ARHGEF4: variants seen among roughly 807,000 people sequenced by gnomAD.
ARHGEF4 encodes the protein APC-stimulated guanine nucleotide exchange factor 1.
Under a neutral mutation model 162.0 loss-of-function variants are expected in ARHGEF4, and 119 were observed. The observed-to-expected ratio is 0.73, with a 90% CI of 0.63 to 0.86. The LOEUF (loss-of-function observed/expected upper bound fraction) is 0.86, where lower values mean the gene tolerates loss of function less well. ARHGEF4 is among the 40% of genes least tolerant of loss of function. The probability of loss-of-function intolerance (pLI) is 0.00; values close to 1 mark genes in which losing one functional copy is unlikely to be tolerated. For synonymous variants in ARHGEF4, 1,014 were observed against 979.9 expected, an observed-to-expected ratio of 1.03 and a Z score of -0.65; for missense variants, 2,488 against 2,456.0, an observed-to-expected ratio of 1.01 and a Z score of -0.28.
chr2:131,004,214 G>A (rs1687963504), intron 4 of ARHGEF4, among the ~76,000 whole-genome samples: 1 of 152,186 alleles, frequency 6.6e-6, no homozygotes, highest in African/African-American at 2.4e-5. Context: ...CGCTCGGGCT[G>A]GAGTGCAATG....
At chr2:130,960,973 T>G (rs1684591904) in intron 4 of ARHGEF4, among the ~76,000 whole-genome samples, 1 of 152,190 alleles carries the variant, frequency 6.6e-6, no homozygotes, top group East Asian at 1.9e-4. Flanking sequence ...AGCATGGGGC[T>G]CGGCTGTCTG....
At chr2:130,949,838 A>G (rs1263513545) in intron 4 of ARHGEF4, among the ~76,000 whole-genome samples, 1 of 152,136 alleles carries the variant, frequency 6.6e-6, no homozygotes, top group Non-Finnish European at 1.5e-5. Context: ...TAGTAGAGAC[A>G]GGGTTTTGCC....
chr2:130,979,931 T>C (rs894314531), intron 4 of ARHGEF4, among the ~76,000 whole-genome samples: 3 of 152,132 alleles, frequency 2.0e-5, no homozygotes, highest in African/African-American at 7.2e-5. Flanking sequence ...TAAGACCTAA[T>C]ACTTAACTAT....
At chr2:131,033,148 CCT>C in intron 5 of ARHGEF4, among the ~76,000 whole-genome samples, 1 of 152,150 alleles carries the variant, frequency 6.6e-6, no homozygotes, top group East Asian at 1.9e-4. Context: ...GCCACCACAC[CCT>C]GTCTGCCTTC....
rs138070353 is a variant in ARHGEF4 at position 131,009,556 on chromosome 2, T to A, written c.3986-18389T>A. Among the ~76,000 whole-genome samples the A allele has an allele frequency of 4.2e-4, 64 of 152,322 alleles. 1 individual carries two copies. The East Asian group carries it at 0.012, about 29-fold the overall frequency. On this transcript the variant is annotated intron_variant, in intron 4 of 13. Coordinates refer to ENST00000409359, the MANE Select transcript of ARHGEF4 (RefSeq NM_001367493.1). ...CATTATTTTCCAACATTTTTTTCTC[T>A]TTTTCAAATTGGATCATTTCTATTC...
chr2:130,887,611 T>C (rs2104978309), intron 1 of ARHGEF4, among the ~76,000 whole-genome samples: 1 of 152,218 alleles, frequency 6.6e-6, no homozygotes, highest in African/African-American at 2.4e-5. Flanking sequence ...ATCAATCTTT[T>C]GAGGTTTGTA....
intron 3 of ARHGEF4, among the ~76,000 whole-genome samples, chr2:130,942,134 G>GT (rs774486305): frequency 2.0e-4 from 28 of 140,796 alleles, no homozygotes; most frequent in South Asian, 4.6e-4. Context: ...TGGTTTGGTA[G>GT]TTTTTTTTTT....
chr2:130,898,593 G>T (rs1680302101), intron 1 of ARHGEF4, among the ~76,000 whole-genome samples: 1 of 152,160 alleles, frequency 6.6e-6, no homozygotes, highest in African/African-American at 2.4e-5. Context: ...CAGAGGATGA[G>T]AGAGAAAGGA....
chr2:131,039,783 G>A (rs1690618401), intron 6 of ARHGEF4: 1 of 1,397,646 alleles, frequency 7.2e-7, no homozygotes, highest in African/African-American at 1.5e-5. Flanking sequence ...TAGGAAGGAG[G>A]CCAAATCGGT....
chr2:130,914,313 C>G lies in ARHGEF4; in HGVS notation c.367C>G (p.Pro123Ala). 6.7e-7 allele frequency: 1 copy of G among 1,491,654 alleles called. No homozygotes were observed. The highest frequency in any genetic ancestry group is 8.9e-7 in the Non-Finnish European group (1 of 1,124,224). The allele number at this position is 1,491,654 out of a possible 1,614,324, so 92.4% of individuals were successfully genotyped here. Residue 123 changes from proline to alanine, a missense_variant, in exon 2 of 14, where the codon CCT becomes GCT. Physicochemically the swap from Pro to Ala is conservative, Grantham distance 27 (BLOSUM62 -1). Transcript: ENST00000409359. Reference protein sequence around the residue: ...PPQEQHLTSVPGLHAKEELDL... With the variant: ...PPQEQHLTSVAGLHAKEELDL... ...TCAGGAGCAGCATTTGACCAGTGTT[C>G]CTGGGCTTCATGCAAAGGAAGAACT...
intron 4 of ARHGEF4, among the ~76,000 whole-genome samples, chr2:130,991,682 C>T (rs1279477035): frequency 6.6e-6 from 1 of 152,252 alleles, no homozygotes; most frequent in South Asian, 2.1e-4. Context: ...TGCCTTCCCG[C>T]GGGGCAGGCC....
chr2:131,045,412 T>C lies in ARHGEF4; in HGVS notation c.5445T>C (p.Asn1815=). 6.2e-7 allele frequency: 1 copy of C among 1,613,562 alleles called. No individual in the cohort carries two copies. The highest frequency in any genetic ancestry group is 8.5e-7 in the Non-Finnish European group (1 of 1,179,996). ...TGCAGAGGAAGCAGGCCATGCTGAA[T>C]GCCAGCAAGCAGCAGGTCACAGGGA... ...TELQRKQAML[N]ASKQQVTGKP... Residue 1815 remains asparagine, a synonymous_variant, in exon 13 of 14, where the codon AAT becomes AAC. Coordinates refer to ENST00000409359, the MANE Select transcript of ARHGEF4 (RefSeq NM_001367493.1).
At chr2:130,918,677 A>G (rs577382923) in intron 2 of ARHGEF4, among the ~76,000 whole-genome samples, 1 of 152,310 alleles carries the variant, frequency 6.6e-6, no homozygotes, top group South Asian at 2.1e-4. Context: ...AGAGGGGCGG[A>G]GCTGGGCGAG....
intron 4 of ARHGEF4, among the ~76,000 whole-genome samples, chr2:131,006,278 T>C (rs903335581): frequency 1.3e-5 from 2 of 152,210 alleles, no homozygotes; most frequent in African/African-American, 2.4e-5. Flanking sequence ...TTAGGCTCTC[T>C]GTGACTCCAA....
intron 1 of ARHGEF4, among the ~76,000 whole-genome samples, chr2:130,887,707 G>A (rs1162245305): frequency 2.0e-5 from 3 of 152,092 alleles, no homozygotes; most frequent in Non-Finnish European, 4.4e-5. Flanking sequence ...TTCTCTGAAT[G>A]AGCCTTTATA....
chr2:131,025,247 G>A lies in ARHGEF4; in HGVS notation c.3986-2698G>A, dbSNP rs537245403. Reference sequence around the variant, plus strand: ...GCAGGAGAGAGAGTGAGCAAAGGGGGAAGTGCTGCATACTTTTAAACGATC... The same window carrying A: ...GCAGGAGAGAGAGTGAGCAAAGGGGAAAGTGCTGCATACTTTTAAACGATC... On this transcript the variant is annotated intron_variant, in intron 4 of 13. Coordinates refer to ENST00000409359, the MANE Select transcript of ARHGEF4 (RefSeq NM_001367493.1). Among the ~76,000 whole-genome samples the A allele has an allele frequency of 5.9e-5, 9 of 152,264 alleles. No individual in the cohort carries two copies. The East Asian group carries it at 1.7e-3, about 29-fold the overall frequency.
In ARHGEF4 at chr2:130,970,587, CAAAAAAAAAAA is replaced by C. The variant is rs57254908; in HGVS notation, c.3985+23963_3985+23973del. Among the ~76,000 whole-genome samples the C allele has an allele frequency of 6.8e-5, 8 of 116,954 alleles. 1 individual carries two copies. The South Asian group carries it at 2.3e-3, about 34-fold the overall frequency. The allele number at this position is 116,954 out of a possible 152,430, so 76.7% of individuals were successfully genotyped here. On this transcript the variant is annotated intron_variant, in intron 4 of 13. Coordinates refer to ENST00000409359, the MANE Select transcript of ARHGEF4 (RefSeq NM_001367493.1). Reference sequence around the variant, plus strand: ...CTGGGCAACAAGAGTGAAACTCCATCAAAAAAAAAAAAAAAAAAAAAGAAAAGCCATCTATT... The same window carrying C: ...CTGGGCAACAAGAGTGAAACTCCATCAAAAAAAAAAGAAAAGCCATCTATT...
intron 4 of ARHGEF4, among the ~76,000 whole-genome samples, chr2:130,987,907 G>A (rs913431510): frequency 4.6e-5 from 7 of 152,170 alleles, no homozygotes; most frequent in African/African-American, 1.7e-4. Flanking sequence ...GGGAAGCTGG[G>A]CTTGGGAGCC....
intron 11 of ARHGEF4, 31 bp downstream of exon 11, chr2:131,043,614 A>C: frequency 6.2e-7 from 1 of 1,613,076 alleles, no homozygotes; most frequent in Admixed American, 1.7e-5. Flanking sequence ...TGCTGCCCCA[A>C]GTTGAGCAAG....
Sources: gnomAD v4.1 joint callset for allele counts (sites outside exome capture counted in the v4.1 genomes callset) on GRCh38, gnomAD v4.1.1 for gene constraint, MANE v1.5 for transcripts, NCBI Gene and HGNC (gene_info 2026-07-23, HGNC 2026-07-21) for gene names.